The following OTOG variants were observed in gnomAD, a reference collection of about 807,000 sequenced individuals.
OTOG encodes the protein otogelin.
Under a neutral mutation model 313.8 loss-of-function variants are expected in OTOG, and 296 were observed. That is an observed-to-expected ratio of 0.94 (90% confidence interval 0.86 to 1.04). OTOG has a LOEUF of 1.04. Among genes scored for constraint, OTOG ranks in the 50% least tolerant of loss-of-function variants. The pLI, the probability that OTOG is intolerant of heterozygous loss-of-function variation, is 0.00. For synonymous variants in OTOG, 1,533 were observed against 1,554.9 expected, an observed-to-expected ratio of 0.99 and a Z score of 0.33; for missense variants, 3,948 against 3,840.1, an observed-to-expected ratio of 1.03 and a Z score of -0.74.
chr11:17,587,782 A>AT (rs921414440), intron 24 of OTOG, among the ~76,000 whole-genome samples: 12 of 151,818 alleles, frequency 7.9e-5, no homozygotes, highest in Non-Finnish European at 1.2e-4. Context: ...CTGTGTGCTC[A>AT]TTTTTTTTCT....
chr11:17,554,466 G>A (rs1274794889), intron 6 of OTOG, among the ~76,000 whole-genome samples: 2 of 152,226 alleles, frequency 1.3e-5, no homozygotes, highest in African/African-American at 4.8e-5. Flanking sequence ...TAAACTGGGA[G>A]TCACCTTCAG....
rs1368020297 is a variant in OTOG at position 17,612,150 on chromosome 11, C to T, written c.6124-12C>T. 3.9e-6 allele frequency: 6 copies of T among 1,549,092 alleles called. No homozygotes were observed. The African/African-American group carries it at 6.8e-5, about 18-fold the overall frequency. On this transcript the variant is annotated splice_polypyrimidine_tract_variant and intron_variant, in intron 36 of 55. Coordinates refer to ENST00000399397, the MANE Select transcript of OTOG (RefSeq NM_001292063.2). ...TTGATGGTCACTCACACTTCCTCCA[C>T]TCTGTACCCAGCCAATCGCCGAGCA...
At chr11:17,579,944 A>C (rs1038527095) in intron 23 of OTOG, among the ~76,000 whole-genome samples, 1 of 152,176 alleles carries the variant, frequency 6.6e-6, no homozygotes, top group Non-Finnish European at 1.5e-5. Flanking sequence ...GGGGCTTGTC[A>C]AAGTGAAATT....
At chr11:17,590,677 G>C (rs1239631743) in intron 24 of OTOG, among the ~76,000 whole-genome samples, 1 of 152,130 alleles carries the variant, frequency 6.6e-6, no homozygotes, top group Non-Finnish European at 1.5e-5. Context: ...TCCTACAGTG[G>C]CCTTATTGGA....
intron 44 of OTOG, 124 bp from the exon 45 acceptor site, chr11:17,634,720 T>G (rs1854217893): frequency 1.3e-6 from 1 of 760,386 alleles, no homozygotes; most frequent in African/African-American, 1.8e-5. Context: ...GTATGGGTCC[T>G]GGGGGCTGGG....
chr11:17,611,475 C>A (rs930193185), intron 36 of OTOG, 52 bp downstream of exon 36: 30 of 1,428,392 alleles, frequency 2.1e-5, no homozygotes, highest in Non-Finnish European at 2.2e-5. Context: ...TTCCCTTCAT[C>A]CCTTCCTCTT....
chr11:17,599,916 G>T (rs572836549), intron 31 of OTOG, among the ~76,000 whole-genome samples: 49 of 152,252 alleles, frequency 3.2e-4, no homozygotes, highest in African/African-American at 1.2e-3. Flanking sequence ...CCTGTCCGGG[G>T]CCCAGGCAGG....
At chr11:17,608,203 G>T (rs1590038676) in intron 33 of OTOG, 93 bp from the exon 34 acceptor site, 3 of 797,620 alleles carry the variant, frequency 3.8e-6, no homozygotes, top group Non-Finnish European at 3.8e-6. Context: ...GGGTCCATTT[G>T]TCCCCTCCAC....
At chr11:17,629,427 G>A in intron 40 of OTOG, 111 bp downstream of exon 40, 4 of 1,261,192 alleles carry the variant, frequency 3.2e-6, no homozygotes, top group South Asian at 1.6e-5. Flanking sequence ...CAGGCCAGAG[G>A]TTGGAGCAGC....
At position 17,593,719 on chromosome 11, in the gene OTOG, G is replaced by A. The variant is rs1853013160; in HGVS notation, c.3251G>A (p.Arg1084Lys). The change falls in exon 27 of 56, where the codon AGA becomes AAA. Residue 1084 changes from arginine (R) to lysine (K), a missense_variant. Transcript: ENST00000399397. ...QEHITLLWDQRTTVHVQAGPQ... is the reference protein window; with the variant it reads ...QEHITLLWDQKTTVHVQAGPQ... ...CACATCACCCTCTTGTGGGACCAGA[G>A]AACCACAGTGCACGTCCAGGCTGGG... 6.5e-7 allele frequency: 1 copy of A among 1,548,730 alleles called. No individual in the cohort carries two copies. The highest frequency in any genetic ancestry group is 2.0e-5 in the Admixed American group (1 of 50,998).
In OTOG at chr11:17,560,405, C is replaced by T. The variant is rs138907202; in HGVS notation, c.1343-304C>T. ...AAGTCATTCCTGGAGGAGGTGGTGC[C>T]TGGCACCTAAGCTGTTTTTGATGCG... On this transcript the variant is annotated intron_variant, in intron 12 of 55. Transcript: ENST00000399397. Among the ~76,000 whole-genome samples the T allele has an allele frequency of 8.1e-3, 1,231 of 152,210 alleles. 11 individuals are homozygous for T. The highest frequency in any genetic ancestry group is 0.054 in the Middle Eastern group (16 of 294).
intron 17 of OTOG, chr11:17,570,634 A>G: frequency 5.0e-6 from 2 of 399,684 alleles, no homozygotes; most frequent in East Asian, 4.2e-5. Context: ...CCCGCTCCCC[A>G]GGATTTAGGG....
chr11:17,560,958 C>T (rs1166195427), intron 13 of OTOG, 133 bp from the exon 14 acceptor site: 1 of 1,230,592 alleles, frequency 8.1e-7, no homozygotes, highest in African/African-American at 1.5e-5. Flanking sequence ...CTCATTAGAT[C>T]CAATCCATGG....
At chr11:17,640,011 A>C (rs186589662) in intron 49 of OTOG, among the ~76,000 whole-genome samples, 8 of 145,808 alleles carry the variant, frequency 5.5e-5, no homozygotes, top group Non-Finnish European at 1.2e-4. Flanking sequence ...GATGGTGGTG[A>C]TAATGCAATG....
intron 23 of OTOG, among the ~76,000 whole-genome samples, chr11:17,583,492 T>A (rs1196420155): frequency 5.3e-5 from 8 of 152,210 alleles, no homozygotes; most frequent in African/African-American, 1.9e-4. Context: ...TTACACATGT[T>A]TCAAAATGGA....
intron 16 of OTOG, among the ~76,000 whole-genome samples, chr11:17,569,557 T>G (rs1271088019): frequency 6.6e-6 from 1 of 152,224 alleles, no homozygotes; most frequent in Non-Finnish European, 1.5e-5. Flanking sequence ...CTGACTCTCA[T>G]AACTTGTTTA....
intron 27 of OTOG, 77 bp downstream of exon 27, chr11:17,593,833 C>G (rs888487399): frequency 2.0e-6 from 3 of 1,508,622 alleles, no homozygotes; most frequent in Non-Finnish European, 2.7e-6. Flanking sequence ...TGAGCTGTAC[C>G]CTCCCTGAGG....
At chr11:17,557,055 G>T in intron 7 of OTOG, 63 bp from the exon 8 acceptor site, 1 of 1,488,400 alleles carries the variant, frequency 6.7e-7, no homozygotes, top group Non-Finnish European at 9.1e-7. Context: ...TGTTCCTTCG[G>T]TGAAGAGACT....
chr11:17,560,639 C>G, intron 12 of OTOG, 70 bp from the exon 13 acceptor site: 3 of 1,117,884 alleles, frequency 2.7e-6, no homozygotes, highest in Non-Finnish European at 2.6e-6. Flanking sequence ...TATCAGAGGC[C>G]CTGGGGAGCC....
Sources: allele counts gnomAD v4.1 joint callset (sites outside exome capture counted in the v4.1 genomes callset), GRCh38; gene constraint gnomAD v4.1.1; transcripts MANE v1.5; gene names NCBI Gene and HGNC (gene_info 2026-07-23, HGNC 2026-07-21).